Variants in PCDH15 observed in about 807,000 individuals in gnomAD.
PCDH15 encodes the protein protocadherin-15.
Under a neutral mutation model 178.5 loss-of-function variants are expected in PCDH15, and 129 were observed. The observed-to-expected ratio is 0.72, with a 90% confidence interval of 0.63 to 0.84. PCDH15 has a LOEUF of 0.84. PCDH15 is among the 40% of genes least tolerant of loss of function. PCDH15 has a pLI of 0.00. For synonymous variants in PCDH15, 800 were observed against 732.0 expected (o/e 1.09, Z -1.50); for missense variants, 2,230 against 2,099.9 (o/e 1.06, Z -1.21).
In PCDH15 at chr10:55,486,504, T is replaced by C. The variant is rs147616256; in HGVS notation, c.-156+141121A>G. Among the ~76,000 whole-genome samples, 551 of 151,724 alleles carry C rather than the reference T, an allele frequency of 3.6e-3. 6 individuals are homozygous for C. The highest frequency in any genetic ancestry group is 0.013 in the African/African-American group (529 of 41,480). On this transcript the variant is annotated intron_variant, in intron 2 of 5. Transcript: ENST00000613346. ...AACTAAAATATGTAGGTTAGTTTTA[T>C]AAAAACACACAATAAAATTATGCTT...
chr10:53,808,435 AAATATTG>A (rs2075738689), intron 37 of PCDH15: 2 of 1,213,534 alleles, frequency 1.6e-6, no homozygotes, highest in Non-Finnish European at 1.0e-6. Context: ...AGTAAATATT[AAATATTG>A]ATTAGCTGAT....
At chr10:54,052,828 C>T (rs117728400) in intron 18 of PCDH15, among the ~76,000 whole-genome samples, 2,095 of 152,200 alleles carry the variant, frequency 0.014, 24 homozygotes, top group Non-Finnish European at 0.019. Flanking sequence ...GTGGGAGGAA[C>T]CCAGTGGGAG....
upstream of PCDH15, among the ~76,000 whole-genome samples, chr10:54,804,468 A>G (rs1952741961): frequency 6.6e-6 from 1 of 152,166 alleles, no homozygotes; most frequent in Non-Finnish European, 1.5e-5. Context: ...TGTAGAGACC[A>G]TGCTGAATCT....
At chr10:54,110,390 G>GGT (rs1281664943) in intron 15 of PCDH15, among the ~76,000 whole-genome samples, 1 of 151,186 alleles carries the variant, frequency 6.6e-6, no homozygotes, top group Non-Finnish European at 1.5e-5. Flanking sequence ...TGAACTCATA[G>GGT]GTATATATAT....
At chr10:54,201,309 T>C (rs2050208105) in intron 10 of PCDH15, among the ~76,000 whole-genome samples, 1 of 152,180 alleles carries the variant, frequency 6.6e-6, no homozygotes, top group African/African-American at 2.4e-5. Flanking sequence ...ATTATGGTCT[T>C]ATCCTACTGA....
At chr10:55,181,794 GC>G (rs1839655726) in intron 1 of PCDH15, among the ~76,000 whole-genome samples, 1 of 151,912 alleles carries the variant, frequency 6.6e-6, no homozygotes, top group Non-Finnish European at 1.5e-5. Flanking sequence ...TTCCTTTAAA[GC>G]CTTGTTCTTG....
chr10:55,166,092 AG>A (rs1400083265), intron 2 of PCDH15, among the ~76,000 whole-genome samples: 1 of 152,136 alleles, frequency 6.6e-6, no homozygotes, highest in Non-Finnish European at 1.5e-5. Context: ...AACACATAAA[AG>A]AAAATTGATT....
At chr10:54,769,141 A>G (rs1428350195) in intron 1 of PCDH15, among the ~76,000 whole-genome samples, 1 of 152,102 alleles carries the variant, frequency 6.6e-6, no homozygotes, top group African/African-American at 2.4e-5. Context: ...AGCCAACAGG[A>G]ATTTTAAAAA....
intron 3 of PCDH15, among the ~76,000 whole-genome samples, chr10:54,508,000 G>T (rs186456929): frequency 2.0e-5 from 3 of 152,052 alleles, no homozygotes; most frequent in African/African-American, 7.2e-5. Context: ...TATACCAGAA[G>T]CACTGTGAAC....
intron 20 of PCDH15, among the ~76,000 whole-genome samples, chr10:54,014,373 T>C (rs1452792207): frequency 1.3e-5 from 2 of 152,132 alleles, no homozygotes; most frequent in Non-Finnish European, 2.9e-5. Flanking sequence ...CTGAAACTAT[T>C]CCAAAAAATT....
chr10:55,562,021 T>G (rs2132100035), intron 2 of PCDH15, among the ~76,000 whole-genome samples: 1 of 152,118 alleles, frequency 6.6e-6, no homozygotes, highest in East Asian at 1.9e-4. Context: ...GCTTTTTATT[T>G]AATATAACAC....
At position 54,956,723 on chromosome 10, in the gene PCDH15, C is replaced by T. The variant is rs144785988; in HGVS notation, c.-79-59223G>A. On this transcript the variant is annotated intron_variant, in intron 2 of 5. Transcript: ENST00000458638. ...AGGACTATTTAGTAGTAATACTTAA[C>T]ACACCTTGAATATTTAGTATATATC... is the stretch of plus-strand genomic sequence containing the variant. Among the ~76,000 whole-genome samples, 65 of 151,656 alleles carry T rather than the reference C, an allele frequency of 4.3e-4. 1 individual carries two copies. The highest frequency in any genetic ancestry group is 2.1e-4 in the Non-Finnish European group (14 of 67,630).
In PCDH15 at chr10:55,437,219, T is replaced by TTC. The variant is rs11271588; in HGVS notation, c.-156+190405_-156+190406insGA. 0.014 allele frequency among the ~76,000 whole-genome samples: 159 copies of TTC among 11,454 alleles called. No individual in the cohort carries two copies. The African/African-American group carries it at 0.24, about 17-fold the overall frequency. The allele number at this position is 11,454 out of a possible 152,430, so 7.5% of individuals were successfully genotyped here. A position where few individuals can be genotyped will look rare whatever the true frequency, so the allele number is the denominator to read the frequency against. ...AGCAGGAGACAAAAGGATCTCAATT[T>TTC]AATTGGAGAAATAAATAAGAGCTGC... is the stretch of plus-strand genomic sequence containing the variant. On this transcript the variant is annotated intron_variant, in intron 2 of 5. Transcript: ENST00000613346.
chr10:54,484,669 G>A (rs1244199961), intron 3 of PCDH15, among the ~76,000 whole-genome samples: 2 of 151,666 alleles, frequency 1.3e-5, no homozygotes, highest in African/African-American at 4.8e-5. Flanking sequence ...GGAGGAGAGG[G>A]TTATTTTTAA....
chr10:55,226,152 T>C (rs921990153), intron 1 of PCDH15, among the ~76,000 whole-genome samples: 10 of 152,118 alleles, frequency 6.6e-5, no homozygotes, highest in Non-Finnish European at 4.4e-5. Flanking sequence ...ATCAGCTTTT[T>C]ATTATCACAC....
intron 10 of PCDH15, among the ~76,000 whole-genome samples, chr10:54,205,973 G>T (rs2050752648): frequency 6.6e-6 from 1 of 151,970 alleles, no homozygotes; most frequent in Non-Finnish European, 1.5e-5. Flanking sequence ...AAAAGGAAAA[G>T]AAACTTCACT....
chr10:53,997,997 C>A (rs1427345318), intron 20 of PCDH15, among the ~76,000 whole-genome samples: 1 of 152,112 alleles, frequency 6.6e-6, no homozygotes, highest in Non-Finnish European at 1.5e-5. Context: ...GCAATTCCAA[C>A]AAGCATAATC....
intron 3 of PCDH15, among the ~76,000 whole-genome samples, chr10:54,835,254 G>T (rs1341470210): frequency 6.6e-6 from 1 of 152,190 alleles, no homozygotes; most frequent in East Asian, 1.9e-4. Context: ...ATTAATTCTA[G>T]AATTAATATT....
chr10:54,416,052 C>T (rs1192493117), intron 3 of PCDH15, among the ~76,000 whole-genome samples: 1 of 152,060 alleles, frequency 6.6e-6, no homozygotes, highest in Non-Finnish European at 1.5e-5. Context: ...CAGCATTGAC[C>T]TCCCTGGCGC....
Sources: allele counts gnomAD v4.1 joint callset (sites outside exome capture counted in the v4.1 genomes callset), GRCh38; gene constraint gnomAD v4.1.1; transcripts MANE v1.5; gene names NCBI Gene and HGNC (gene_info 2026-07-23, HGNC 2026-07-21).